The following PAPPA2 variants were observed in gnomAD, a reference collection of about 807,000 sequenced individuals.
PAPPA2 encodes the protein pappalysin 2.
In PAPPA2, 86 loss-of-function variants were observed where a neutral mutation model predicts 176.4. The observed-to-expected ratio is 0.49, with a 90% confidence interval of 0.41 to 0.58. The LOEUF (loss-of-function observed/expected upper bound fraction) is 0.58. Among genes scored for constraint, PAPPA2 ranks in the 20% least tolerant of loss-of-function variants. PAPPA2 has a pLI of 0.00. For missense variants in PAPPA2, 2,073 were observed against 2,256.9 expected, an observed-to-expected ratio of 0.92 and a Z score of 1.65; for synonymous variants, 809 against 852.2, an observed-to-expected ratio of 0.95 and a Z score of 0.88.
intron 3 of PAPPA2, among the ~76,000 whole-genome samples, chr1:176,639,841 G>A (rs1348782497): frequency 1.3e-5 from 2 of 150,942 alleles, no homozygotes; most frequent in African/African-American, 2.4e-5. Flanking sequence ...TCATGTACTT[G>A]GTATTTTGCT....
At chr1:176,766,362 A>G (rs1317593061) in intron 15 of PAPPA2, among the ~76,000 whole-genome samples, 1 of 152,246 alleles carries the variant, frequency 6.6e-6, no homozygotes, top group Non-Finnish European at 1.5e-5. Context: ...TCAAATTTCT[A>G]CAGCACCATT....
chr1:176,516,168 A>T (rs1250992939), intron 1 of PAPPA2, among the ~76,000 whole-genome samples: 2 of 151,946 alleles, frequency 1.3e-5, no homozygotes, highest in Admixed American at 1.3e-4. Flanking sequence ...CCTTCTTTTA[A>T]TTCAGATCTC....
chr1:176,623,233 T>C (rs1183093663), intron 3 of PAPPA2, among the ~76,000 whole-genome samples: 1 of 152,192 alleles, frequency 6.6e-6, no homozygotes, highest in Non-Finnish European at 1.5e-5. Flanking sequence ...CCATTTTCAT[T>C]CCCACTCTCT....
intron 3 of PAPPA2, among the ~76,000 whole-genome samples, chr1:176,612,073 A>C (rs1654957899): frequency 6.6e-6 from 1 of 152,170 alleles, no homozygotes; most frequent in Non-Finnish European, 1.5e-5. Context: ...AAGAAATATG[A>C]ATTTAAAAAG....
At chr1:176,829,125 G>T (rs547005378) in intron 21 of PAPPA2, among the ~76,000 whole-genome samples, 1 of 152,280 alleles carries the variant, frequency 6.6e-6, no homozygotes, top group Admixed American at 6.5e-5. Flanking sequence ...GCTGGATGTG[G>T]TATCAGAATG....
At chr1:176,721,626 T>C (rs901382033) in intron 12 of PAPPA2, among the ~76,000 whole-genome samples, 4 of 152,194 alleles carry the variant, frequency 2.6e-5, no homozygotes, top group African/African-American at 9.6e-5. Context: ...TTTTGGAGAG[T>C]TAGCTGTACA....
chr1:176,521,590 A>G (rs975803071), intron 1 of PAPPA2, among the ~76,000 whole-genome samples: 1 of 152,206 alleles, frequency 6.6e-6, no homozygotes, highest in Non-Finnish European at 1.5e-5. Flanking sequence ...AGCTTGTTAT[A>G]TAATAACAGA....
chr1:176,841,679 T>C (rs1423532268), intron 22 of PAPPA2, among the ~76,000 whole-genome samples: 1 of 152,080 alleles, frequency 6.6e-6, no homozygotes, highest in Admixed American at 6.6e-5. Flanking sequence ...TTCCGGACTA[T>C]CTCTGGCATG....
intron 3 of PAPPA2, among the ~76,000 whole-genome samples, chr1:176,613,278 A>G (rs537880538): frequency 2.6e-5 from 4 of 152,372 alleles, no homozygotes; most frequent in African/African-American, 9.6e-5. Context: ...AGGTGCCACC[A>G]GGTAAATTCT....
rs1651373472 is a variant in PAPPA2 at position 176,557,248 on chromosome 1, C to G, written c.919+7C>G. Reference sequence around the variant, plus strand: ...AACCCAGCCATCATCGCAGGTAACACCCTTCTCCTGGGCTTTCTGAAATCC... The same window carrying G: ...AACCCAGCCATCATCGCAGGTAACAGCCTTCTCCTGGGCTTTCTGAAATCC... On this transcript the variant is annotated splice_region_variant and intron_variant, in intron 2 of 22. Coordinates refer to ENST00000367662, the MANE Select transcript of PAPPA2 (RefSeq NM_020318.3). 2 of 1,566,194 alleles carry G rather than the reference C, an allele frequency of 1.3e-6. No individual in the cohort carries two copies. Among genetic ancestry groups the G allele is most frequent in the Non-Finnish European group, 1.7e-6 (2 of 1,156,086 alleles).
chr1:176,839,124 GT>G (rs753744169), intron 21 of PAPPA2, among the ~76,000 whole-genome samples: 56 of 152,300 alleles, frequency 3.7e-4, no homozygotes, highest in Non-Finnish European at 7.2e-4. Flanking sequence ...GAACTCAAGA[GT>G]TCTGTGGCCC....
intron 16 of PAPPA2, 134 bp downstream of exon 16, chr1:176,769,918 C>T (rs1015762596): frequency 4.1e-6 from 4 of 982,056 alleles, no homozygotes; most frequent in Non-Finnish European, 4.4e-6. Flanking sequence ...CTGATAACTC[C>T]AGAAAAGTCC....
intron 3 of PAPPA2, among the ~76,000 whole-genome samples, chr1:176,614,341 A>G (rs1435812196): frequency 1.3e-5 from 2 of 152,214 alleles, no homozygotes; most frequent in African/African-American, 4.8e-5. Flanking sequence ...GAGATATTGA[A>G]GCTAACTTAA....
rs555617094 is a variant in PAPPA2 at position 176,699,270 on chromosome 1, T to G, written c.2917T>G (p.Phe973Val). 9 of 1,614,054 alleles carry G rather than the reference T, an allele frequency of 5.6e-6. No homozygotes were observed. Among genetic ancestry groups the G allele is most frequent in the Non-Finnish European group, 7.6e-6 (9 of 1,180,026 alleles). The change falls in exon 8 of 23, where the codon TTC becomes GTC. Residue 973 changes from phenylalanine (F) to valine (V), a missense_variant. This residue lies in a region of PAPPA2 where 1,196 missense variants were observed against 1,330.4 expected (regional missense o/e 0.90). Coordinates refer to ENST00000367662, the MANE Select transcript of PAPPA2 (RefSeq NM_020318.3). ...CACCCTCACCCTGTGGGTCACTTCC[T>G]TCTTCATGGAGTCCTCGCAGGTCCT... ...ADTLTLWVTS[F>V]FMESSQVLFD...
At chr1:176,697,989 C>T (rs1017368837) in intron 7 of PAPPA2, among the ~76,000 whole-genome samples, 1 of 152,106 alleles carries the variant, frequency 6.6e-6, no homozygotes, top group Non-Finnish European at 1.5e-5. Flanking sequence ...AGATGTAACA[C>T]ACCACACACA....
At chr1:176,587,173 T>C (rs1653368526) in intron 2 of PAPPA2, among the ~76,000 whole-genome samples, 1 of 152,096 alleles carries the variant, frequency 6.6e-6, no homozygotes, top group Non-Finnish European at 1.5e-5. Flanking sequence ...AAGCTCCTCA[T>C]AAATTCTGGA....
At chr1:176,570,701 G>C (rs1002006432) in intron 2 of PAPPA2, among the ~76,000 whole-genome samples, 1 of 150,146 alleles carries the variant, frequency 6.7e-6, no homozygotes, top group African/African-American at 2.4e-5. Context: ...CTGGTCCCTG[G>C]CTGAGGTCAG....
intron 14 of PAPPA2, among the ~76,000 whole-genome samples, chr1:176,747,249 A>T (rs766231028): frequency 6.6e-6 from 1 of 152,226 alleles, no homozygotes; most frequent in Non-Finnish European, 1.5e-5. Context: ...ACATCTACTT[A>T]TGTGAACGGG....
At chr1:176,567,391 A>AATCC (rs1446036762) in intron 2 of PAPPA2, among the ~76,000 whole-genome samples, 1 of 152,232 alleles carries the variant, frequency 6.6e-6, no homozygotes, top group Non-Finnish European at 1.5e-5. Flanking sequence ...CTGCATTAGA[A>AATCC]ATCCAGTTAC....
Sources: gnomAD v4.1 joint callset for allele counts (sites outside exome capture counted in the v4.1 genomes callset) on GRCh38, gnomAD v4.1.1 for gene constraint, gnomAD v4.1.1 regional missense constraint, MANE v1.5 for transcripts, NCBI Gene and HGNC (gene_info 2026-07-23, HGNC 2026-07-21) for gene names.